UNC5D: variants seen among roughly 807,000 people sequenced by gnomAD.
UNC5D encodes netrin receptor UNC5D.
In UNC5D, 39 loss-of-function variants were observed where a neutral mutation model predicts 105.4. The ratio of observed to expected loss-of-function variants is 0.37; its 90% CI spans 0.29 to 0.48. UNC5D has a LOEUF of 0.48. UNC5D is among the 20% of genes least tolerant of loss of function. The pLI, the probability that UNC5D is intolerant of heterozygous loss-of-function variation, is 0.98. For missense variants in UNC5D, 991 were observed against 1,202.4 expected (o/e 0.82, Z 2.60); for synonymous variants, 452 against 450.4 (o/e 1.00, Z -0.04).
intron 16 of UNC5D, among the ~76,000 whole-genome samples, chr8:35,781,798 G>A (rs1287089635): frequency 1.3e-5 from 2 of 152,164 alleles, no homozygotes; most frequent in African/African-American, 2.4e-5. Flanking sequence ...GACTATAACC[G>A]ACTTTGTTCT....
intron 14 of UNC5D, among the ~76,000 whole-genome samples, chr8:35,766,654 C>T (rs943684077): frequency 3.3e-5 from 5 of 152,094 alleles, no homozygotes; most frequent in East Asian, 1.9e-4. Flanking sequence ...TCTTGCAGTG[C>T]GGTTTTGGAA....
intron 4 of UNC5D, among the ~76,000 whole-genome samples, chr8:35,610,507 T>G (rs180841916): frequency 6.6e-6 from 1 of 152,200 alleles, no homozygotes; most frequent in East Asian, 1.9e-4. Flanking sequence ...GTGGAATTTT[T>G]GGAGGCCGAG....
At chr8:35,416,569 A>AAATGTGTAAG (rs1563396981) in intron 1 of UNC5D, among the ~76,000 whole-genome samples, 1 of 152,198 alleles carries the variant, frequency 6.6e-6, no homozygotes, top group Non-Finnish European at 1.5e-5. Context: ...CTAATTGGTT[A>AAATGTGTAAG]AATGTGTAAG....
chr8:35,551,148 A>G (rs1276235470), intron 2 of UNC5D, among the ~76,000 whole-genome samples: 1 of 152,190 alleles, frequency 6.6e-6, no homozygotes, highest in Non-Finnish European at 1.5e-5. Flanking sequence ...GTTGGTAAGC[A>G]GAAACCAGAA....
At chr8:35,774,698 G>A (rs574715751) in intron 16 of UNC5D, among the ~76,000 whole-genome samples, 2 of 152,224 alleles carry the variant, frequency 1.3e-5, no homozygotes, top group East Asian at 3.9e-4. Context: ...TTGGGAGGCC[G>A]AGGCAGGCAA....
At chr8:35,723,048 T>C (rs1373583658) in intron 9 of UNC5D, among the ~76,000 whole-genome samples, 6 of 152,222 alleles carry the variant, frequency 3.9e-5, no homozygotes, top group Non-Finnish European at 8.8e-5. Flanking sequence ...TATTCCTTAT[T>C]GCAAGGTGGG....
At position 35,741,889 on chromosome 8, in the gene UNC5D, T is replaced by C. The variant is rs903218558; in HGVS notation, c.1767-6638T>C. 4.6e-5 allele frequency among the ~76,000 whole-genome samples: 7 copies of C among 152,322 alleles called. No homozygotes were observed. In the South Asian group the frequency reaches 8.3e-4, roughly 18 times the overall value. On this transcript the variant is annotated intron_variant, in intron 11 of 16. Coordinates refer to ENST00000404895, the MANE Select transcript of UNC5D (RefSeq NM_080872.4). The stretch of plus-strand genomic sequence containing the variant: ...CAGAAATACCAAGTCAAAATCTTCA[T>C]TGGTGGCATCCAGGAGTATAATTTT...
intron 1 of UNC5D, among the ~76,000 whole-genome samples, chr8:35,286,050 GA>G (rs1214327822): frequency 6.6e-6 from 1 of 152,112 alleles, no homozygotes; most frequent in Non-Finnish European, 1.5e-5. Context: ...ATATAAAAAT[GA>G]AAAAGCTGTT....
At chr8:35,533,718 C>T (rs1358624420) in intron 1 of UNC5D, among the ~76,000 whole-genome samples, 2 of 152,220 alleles carry the variant, frequency 1.3e-5, no homozygotes, top group African/African-American at 4.8e-5. Flanking sequence ...GCGTAGGACC[C>T]TCCGAGCCAG....
intron 4 of UNC5D, among the ~76,000 whole-genome samples, chr8:35,666,191 T>G (rs1824411299): frequency 6.6e-6 from 1 of 151,996 alleles, no homozygotes; most frequent in Non-Finnish European, 1.5e-5. Context: ...TGTATGCCTA[T>G]GAAGAAATAA....
At chr8:35,329,991 C>G (rs1039590803) in intron 1 of UNC5D, among the ~76,000 whole-genome samples, 1 of 152,180 alleles carries the variant, frequency 6.6e-6, no homozygotes, top group Non-Finnish European at 1.5e-5. Flanking sequence ...TTAATCCTCA[C>G]AATGACCCTG....
chr8:35,553,872 G>A (rs1397340489), intron 2 of UNC5D, among the ~76,000 whole-genome samples: 1 of 152,118 alleles, frequency 6.6e-6, no homozygotes, highest in Non-Finnish European at 1.5e-5. Context: ...AATAATTCCT[G>A]CCAGTCTAAT....
In UNC5D at chr8:35,738,020, C is replaced by T. The variant is rs1358584925; in HGVS notation, c.1766+6924C>T. ...ACTAGGGAGGCTGAGGCAGGAGAAT[C>T]GCTTGAACCCAGGAGGTGGAGATTG... is the stretch of plus-strand genomic sequence containing the variant. On this transcript the variant is annotated intron_variant, in intron 11 of 16. Transcript: ENST00000404895. Among the ~76,000 whole-genome samples, 5 of 152,168 alleles carry T rather than the reference C, an allele frequency of 3.3e-5. No individual in the cohort carries two copies. In the South Asian group the frequency reaches 6.2e-4, roughly 19 times the overall value.
chr8:35,393,813 C>T (rs992464628), intron 1 of UNC5D, among the ~76,000 whole-genome samples: 1 of 152,122 alleles, frequency 6.6e-6, no homozygotes, highest in Admixed American at 6.5e-5. Flanking sequence ...ATGTGAAGGC[C>T]TGTTTTAAGG....
intron 4 of UNC5D, among the ~76,000 whole-genome samples, chr8:35,601,279 G>T (rs1273683668): frequency 6.6e-6 from 1 of 152,138 alleles, no homozygotes; most frequent in Non-Finnish European, 1.5e-5. Flanking sequence ...ACTTGGCAAT[G>T]TGGGCTCTTT....
intron 3 of UNC5D, among the ~76,000 whole-genome samples, chr8:35,573,947 C>T (rs1817924055): frequency 6.6e-6 from 1 of 152,160 alleles, no homozygotes; most frequent in African/African-American, 2.4e-5. Flanking sequence ...CCTACATTTA[C>T]CCCACAAAAT....
intron 11 of UNC5D, among the ~76,000 whole-genome samples, chr8:35,736,871 G>A (rs1352484674): frequency 6.6e-6 from 1 of 152,186 alleles, no homozygotes; most frequent in African/African-American, 2.4e-5. Context: ...GTGTAGCGAT[G>A]TTTGCCACCC....
chr8:35,729,240 A>C (rs1402931228), intron 10 of UNC5D, among the ~76,000 whole-genome samples: 1 of 152,162 alleles, frequency 6.6e-6, no homozygotes. Context: ...GCTCTTTCTC[A>C]ATTGTCCTCA....
intron 8 of UNC5D, among the ~76,000 whole-genome samples, chr8:35,715,501 C>A (rs1828207654): frequency 1.3e-5 from 2 of 151,932 alleles, no homozygotes; most frequent in Non-Finnish European, 2.9e-5. Context: ...ACAGTGTTAA[C>A]TGATTGGGGA....
Sources: gnomAD v4.1 joint callset for allele counts (sites outside exome capture counted in the v4.1 genomes callset) on GRCh38, gnomAD v4.1.1 for gene constraint, MANE v1.5 for transcripts, NCBI Gene and HGNC (gene_info 2026-07-23, HGNC 2026-07-21) for gene names.